Variants in KCNB2 observed in about 807,000 individuals in gnomAD.
The protein encoded by KCNB2 is potassium voltage-gated channel subfamily B member 2, also known as delayed rectifier potassium channel protein.
A neutral mutation model predicts 61.5 loss-of-function variants in KCNB2; 15 were observed. The ratio of observed to expected loss-of-function variants is 0.24; its 90% CI spans 0.16 to 0.38. The LOEUF (loss-of-function observed/expected upper bound fraction) is 0.38, where lower values mean the gene tolerates loss of function less well. Among genes scored for constraint, KCNB2 ranks in the 10% least tolerant of loss-of-function variants. The pLI is 1.00. For synonymous variants in KCNB2, 457 were observed against 446.0 expected (o/e 1.02, Z -0.31); for missense variants, 828 against 1,125.2 (o/e 0.74, Z 3.78).
At chr8:72,933,922 T>TAGTTCTAA (rs1806843529) in intron 2 of KCNB2, among the ~76,000 whole-genome samples, 1 of 152,238 alleles carries the variant, frequency 6.6e-6, no homozygotes, top group Non-Finnish European at 1.5e-5. Flanking sequence ...GTATTTAACC[T>TAGTTCTAA]AGTTCTAAGA....
chr8:72,736,420 A>G (rs1029046900), intron 2 of KCNB2, among the ~76,000 whole-genome samples: 1 of 152,144 alleles, frequency 6.6e-6, no homozygotes, highest in African/African-American at 2.4e-5. Context: ...TGTTATTAGT[A>G]AAATTCAACA....
chr8:72,692,917 A>G (rs1806961679), intron 2 of KCNB2, among the ~76,000 whole-genome samples: 1 of 151,852 alleles, frequency 6.6e-6, no homozygotes, highest in African/African-American at 2.4e-5. Context: ...GAAAAATTTT[A>G]AGTCCAATAA....
At chr8:72,622,264 G>A (rs936561601) in intron 2 of KCNB2, among the ~76,000 whole-genome samples, 1 of 152,138 alleles carries the variant, frequency 6.6e-6, no homozygotes, top group Admixed American at 6.5e-5. Flanking sequence ...TTTAAGTGGC[G>A]TATAAGTGAT....
chr8:72,851,727 AG>A (rs150208200), intron 2 of KCNB2, among the ~76,000 whole-genome samples: 4,143 of 150,706 alleles, frequency 0.027, 187 homozygotes, highest in African/African-American at 0.093. Flanking sequence ...TGTTTAAGCA[AG>A]GATGCTGCCA....
chr8:72,773,320 A>C (rs1029504757), intron 2 of KCNB2, among the ~76,000 whole-genome samples: 1 of 152,166 alleles, frequency 6.6e-6, no homozygotes. Flanking sequence ...CATGTGGTGA[A>C]AACAGGTTGA....
intron 2 of KCNB2, among the ~76,000 whole-genome samples, chr8:72,678,580 T>C (rs1179280137): frequency 6.6e-6 from 1 of 152,220 alleles, no homozygotes; most frequent in Non-Finnish European, 1.5e-5. Context: ...TCCCTTCAAG[T>C]CTCTGGCTCA....
At chr8:72,629,690 T>A (rs1296902622) in intron 2 of KCNB2, among the ~76,000 whole-genome samples, 1 of 152,122 alleles carries the variant, frequency 6.6e-6, no homozygotes, top group Non-Finnish European at 1.5e-5. Flanking sequence ...TGGAGTGCTG[T>A]CACTAGAAGG....
chr8:72,788,752 G>T (rs1808885330), intron 2 of KCNB2, among the ~76,000 whole-genome samples: 1 of 152,062 alleles, frequency 6.6e-6, no homozygotes, highest in Admixed American at 6.5e-5. Flanking sequence ...ATATGAAATT[G>T]CAATAATTAC....
intron 2 of KCNB2, among the ~76,000 whole-genome samples, chr8:72,859,051 C>T (rs1354477877): frequency 1.3e-5 from 2 of 152,170 alleles, no homozygotes; most frequent in Non-Finnish European, 2.9e-5. Flanking sequence ...GTTGACCCTA[C>T]GAACCTTCAG....
At chr8:72,613,650 C>T (rs1234997643) in intron 2 of KCNB2, among the ~76,000 whole-genome samples, 5 of 152,130 alleles carry the variant, frequency 3.3e-5, no homozygotes, top group South Asian at 4.1e-4. Context: ...AAGTTCAATC[C>T]ACATTGGTCT....
chr8:72,681,384 G>A (rs1378701949), intron 2 of KCNB2, among the ~76,000 whole-genome samples: 1 of 151,910 alleles, frequency 6.6e-6, no homozygotes, highest in African/African-American at 2.4e-5. Context: ...TAAGAACTAA[G>A]ACAAACGAAC....
At chr8:72,886,807 G>A (rs1356326637) in intron 2 of KCNB2, among the ~76,000 whole-genome samples, 1 of 152,254 alleles carries the variant, frequency 6.6e-6, no homozygotes, top group African/African-American at 2.4e-5. Context: ...CTGGCACATT[G>A]TGAACATTCA....
At chr8:72,599,307 T>A (rs2128982262) in intron 2 of KCNB2, among the ~76,000 whole-genome samples, 1 of 152,244 alleles carries the variant, frequency 6.6e-6, no homozygotes, top group East Asian at 1.9e-4. Context: ...TATCTACAAC[T>A]ATCTGATCTT....
chr8:72,893,096 T>A (rs898877954), intron 2 of KCNB2, among the ~76,000 whole-genome samples: 14 of 151,082 alleles, frequency 9.3e-5, no homozygotes, highest in African/African-American at 3.4e-4. Context: ...TGATGCAAGT[T>A]GATTAAAAAA....
Position 72,725,539 on chromosome 8 carries a change from A to G in KCNB2, c.579+157226A>G, listed in dbSNP as rs201869268. Among the ~76,000 whole-genome samples, 357 of 38,436 alleles carry G rather than the reference A, an allele frequency of 9.3e-3. 4 individuals are homozygous for G. The highest frequency in any genetic ancestry group is 0.04 in the South Asian group (44 of 1,112). 25.2% of individuals were successfully genotyped at this position (38,436 alleles called of 152,430 possible). A position where few individuals can be genotyped will look rare whatever the true frequency, so the allele number is the denominator to read the frequency against. ...TATATATATATATATATATATATAT[A>G]TGTGTGTATATATATATGTATATAT... is the stretch of plus-strand genomic sequence containing the variant. On this transcript the variant is annotated intron_variant, in intron 2 of 2. Coordinates refer to ENST00000523207, the MANE Select transcript of KCNB2 (RefSeq NM_004770.3).
At chr8:72,616,741 A>G (rs937473322) in intron 2 of KCNB2, among the ~76,000 whole-genome samples, 13 of 152,142 alleles carry the variant, frequency 8.5e-5, no homozygotes, top group African/African-American at 2.9e-4. Context: ...ACTTTTGCCT[A>G]TTTAGGTTGT....
Position 72,936,725 on chromosome 8 carries a change from C to G in KCNB2, c.1370C>G (p.Ala457Gly). 2.5e-6 allele frequency: 4 copies of G among 1,614,124 alleles called. No individual in the cohort carries two copies. Among genetic ancestry groups the G allele is most frequent in the Non-Finnish European group, 3.4e-6 (4 of 1,180,018 alleles). Residue 457 changes from alanine to glycine, a missense_variant, in exon 3 of 3, where the codon GCC becomes GGC. By Grantham distance (60) the Ala-to-Gly change is moderately conservative. This residue lies in a region of KCNB2 where 559 missense variants were observed against 588.4 expected (regional missense o/e 0.95). Transcript: ENST00000523207. The surrounding 1 kb of genome is among the most constrained non-coding windows in gnomAD (Gnocchi z 5.6). ...ATCGTTTCTATGAACTTAAAAGATG[C>G]CTTCGCTCGAAGTATGGAACTGATA... ...GSIVSMNLKD[A>G]FARSMELIDV...
Position 72,537,306 on chromosome 8 carries a change from G to C in KCNB2, c.-673G>C, listed in dbSNP as rs904258527. 1 of 152,308 alleles carries C rather than the reference G, an allele frequency of 6.6e-6. No individual in the cohort carries two copies. The highest frequency in any genetic ancestry group is 1.5e-5 in the Non-Finnish European group (1 of 67,858). 9.4% of individuals were successfully genotyped at this position (152,308 alleles called of 1,614,324 possible). On this transcript the variant is annotated 5_prime_UTR_variant, in exon 1 of 3. Coordinates refer to ENST00000523207, the MANE Select transcript of KCNB2 (RefSeq NM_004770.3). Reference sequence around the variant, plus strand: ...GAGCGCCCCGCCTAGCCTCCCGCGCGCAGCCTCTACCCTGCTCCGCCACAG... The same window carrying C: ...GAGCGCCCCGCCTAGCCTCCCGCGCCCAGCCTCTACCCTGCTCCGCCACAG...
At chr8:72,776,167 C>A (rs934639329) in intron 2 of KCNB2, among the ~76,000 whole-genome samples, 3 of 149,166 alleles carry the variant, frequency 2.0e-5, no homozygotes, top group African/African-American at 7.4e-5. Flanking sequence ...AACCAAACAC[C>A]GCATGTTCTC....
Sources: gnomAD v4.1 joint callset for allele counts (sites outside exome capture counted in the v4.1 genomes callset) on GRCh38, gnomAD v4.1.1 for gene constraint, gnomAD v4.1.1 regional missense constraint, Gnocchi (gnomAD v3.1) non-coding constraint, MANE v1.5 for transcripts, NCBI Gene and HGNC (gene_info 2026-07-23, HGNC 2026-07-21) for gene names.